TMEM132D: variants seen among roughly 807,000 people sequenced by gnomAD.
TMEM132D encodes mature OL transmembrane protein.
TMEM132D carries 21 observed loss-of-function variants against 62.3 expected under a neutral mutation model. The observed-to-expected ratio is 0.34, with a 90% CI of 0.24 to 0.49. The LOEUF is 0.49. Ranked by LOEUF, TMEM132D falls within the 20% of genes least tolerant of loss-of-function variation. TMEM132D has a pLI of 0.99. For missense variants in TMEM132D, 1,346 were observed against 1,402.8 expected (o/e 0.96, Z 0.65); for synonymous variants, 621 against 575.6 (o/e 1.08, Z -1.13).
chr12:129,893,122 G>A (rs1490649617), intron 1 of TMEM132D, among the ~76,000 whole-genome samples: 1 of 152,044 alleles, frequency 6.6e-6, no homozygotes, highest in Non-Finnish European at 1.5e-5. Flanking sequence ...TGATCCGCCT[G>A]CCTCGGCCTC....
intron 2 of TMEM132D, among the ~76,000 whole-genome samples, chr12:129,689,706 A>G (rs2137215735): frequency 6.6e-6 from 1 of 152,242 alleles, no homozygotes; most frequent in Non-Finnish European, 1.5e-5. Context: ...CCATACCAAT[A>G]CCCTTATAAT....
At chr12:129,528,343 A>C (rs1876113217) in intron 3 of TMEM132D, among the ~76,000 whole-genome samples, 1 of 152,026 alleles carries the variant, frequency 6.6e-6, no homozygotes, top group African/African-American at 2.4e-5. Flanking sequence ...CGAGGATAAA[A>C]GTTGAATATA....
At chr12:129,424,694 C>T (rs1309530304) in intron 3 of TMEM132D, among the ~76,000 whole-genome samples, 24 of 103,260 alleles carry the variant, frequency 2.3e-4, no homozygotes, top group Admixed American at 4.7e-4. Context: ...GGTGACAGAG[C>T]GAGACTCCAT....
chr12:129,365,250 A>G (rs1870367990), intron 3 of TMEM132D, among the ~76,000 whole-genome samples: 1 of 152,104 alleles, frequency 6.6e-6, no homozygotes, highest in Non-Finnish European at 1.5e-5. Context: ...ACCTGTGAAC[A>G]CTAAAAACTC....
At chr12:129,736,354 G>C (rs1442786540) in intron 1 of TMEM132D, among the ~76,000 whole-genome samples, 3 of 152,278 alleles carry the variant, frequency 2.0e-5, no homozygotes, top group Middle Eastern at 3.4e-3. Context: ...AGCTCGTGGA[G>C]AGAAATGTAT....
rs183107060 is a variant in TMEM132D at position 129,889,379 on chromosome 12, A to G, written c.79+13882T>C. Among the ~76,000 whole-genome samples, 275 of 152,314 alleles carry G rather than the reference A, an allele frequency of 1.8e-3. 2 individuals carry two copies. The highest frequency in any genetic ancestry group is 3.1e-3 in the Admixed American group (48 of 15,304). On this transcript the variant is annotated intron_variant, in intron 1 of 8. Coordinates refer to ENST00000422113, the MANE Select transcript of TMEM132D (RefSeq NM_133448.3). ...GAGCCCACATCTGGATGTTAAATGC[A>G]TCCTACATGGTCCTTGAACCCTCCT...
intron 2 of TMEM132D, among the ~76,000 whole-genome samples, chr12:129,658,188 A>G (rs1880143238): frequency 6.6e-6 from 1 of 152,210 alleles, no homozygotes; most frequent in South Asian, 2.1e-4. Flanking sequence ...CTTTCTAGGA[A>G]AAGAAAGCAG....
chr12:129,662,812 A>AAAAAAGAG lies in TMEM132D; in HGVS notation c.968+36997_968+36998insCTCTTTTT, dbSNP rs1555224287. On this transcript the variant is annotated intron_variant, in intron 2 of 8. Coordinates refer to ENST00000422113, the MANE Select transcript of TMEM132D (RefSeq NM_133448.3). ...ATCTCAAAAAAAAAAAAAAAAAAAA[A>AAAAAAGAG]AGAGAGAGAGAGAAAGAAATATGAG... 8.0e-4 allele frequency among the ~76,000 whole-genome samples: 67 copies of AAAAAAGAG among 83,420 alleles called. 3 individuals carry two copies. The highest frequency in any genetic ancestry group is 1.8e-3 in the African/African-American group (36 of 19,516). The allele number at this position is 83,420 out of a possible 152,430, so 54.7% of individuals were successfully genotyped here. A position where few individuals can be genotyped will look rare whatever the true frequency, so the allele number is the denominator to read the frequency against.
intron 1 of TMEM132D, among the ~76,000 whole-genome samples, chr12:129,758,544 A>G (rs573503745): frequency 2.1e-4 from 32 of 152,212 alleles, no homozygotes; most frequent in Non-Finnish European, 3.1e-4. Flanking sequence ...TATTCCCAAG[A>G]GTATTCCAAA....
At chr12:129,842,957 A>C (rs1324377657) in intron 1 of TMEM132D, among the ~76,000 whole-genome samples, 2 of 152,212 alleles carry the variant, frequency 1.3e-5, no homozygotes, top group African/African-American at 4.8e-5. Flanking sequence ...TTATGATAAA[A>C]TATTTTATTA....
At chr12:129,898,514 C>A (rs1455393952) in intron 1 of TMEM132D, among the ~76,000 whole-genome samples, 1 of 152,176 alleles carries the variant, frequency 6.6e-6, no homozygotes, top group Non-Finnish European at 1.5e-5. Flanking sequence ...TAAAAGGCGA[C>A]GTGACTAAGT....
At chr12:129,237,535 A>C (rs977215103) in intron 4 of TMEM132D, among the ~76,000 whole-genome samples, 13 of 152,092 alleles carry the variant, frequency 8.5e-5, no homozygotes, top group African/African-American at 3.1e-4. Flanking sequence ...TCCATATGTA[A>C]ATTTCCCAGA....
intron 2 of TMEM132D, among the ~76,000 whole-genome samples, chr12:129,582,033 C>T (rs7314239): frequency 0.032 from 4,869 of 152,196 alleles, 289 homozygotes; most frequent in African/African-American, 0.11. Context: ...CAGGTACAGA[C>T]GGGAGGGTCA....
chr12:129,255,484 A>G (rs978582793), intron 4 of TMEM132D, among the ~76,000 whole-genome samples: 2 of 152,198 alleles, frequency 1.3e-5, no homozygotes, highest in Non-Finnish European at 2.9e-5. Context: ...TCAGCTTTAT[A>G]TAGTTGCAAA....
At chr12:129,493,991 T>C (rs1224031587) in intron 3 of TMEM132D, among the ~76,000 whole-genome samples, 1 of 152,186 alleles carries the variant, frequency 6.6e-6, no homozygotes, top group Admixed American at 6.5e-5. Context: ...AAATGGGCAT[T>C]CTAAGCTTCT....
intron 4 of TMEM132D, among the ~76,000 whole-genome samples, chr12:129,330,943 T>C (rs1869082895): frequency 6.6e-6 from 1 of 152,154 alleles, no homozygotes; most frequent in African/African-American, 2.4e-5. Flanking sequence ...CTACTTAAGA[T>C]GGCTCCAAAC....
intron 3 of TMEM132D, among the ~76,000 whole-genome samples, chr12:129,471,164 C>G (rs1874082214): frequency 6.6e-6 from 1 of 151,180 alleles, no homozygotes; most frequent in African/African-American, 2.4e-5. Flanking sequence ...GGAAAAGCAC[C>G]TCTTATTTTG....
intron 2 of TMEM132D, among the ~76,000 whole-genome samples, chr12:129,614,691 G>A (rs559515900): frequency 3.9e-5 from 6 of 152,228 alleles, no homozygotes; most frequent in African/African-American, 1.2e-4. Flanking sequence ...ACCAGGCTGG[G>A]CGGGGACTGT....
intron 1 of TMEM132D, among the ~76,000 whole-genome samples, chr12:129,874,652 CACTT>C (rs985378204): frequency 1.6e-4 from 23 of 145,574 alleles, no homozygotes; most frequent in Non-Finnish European, 3.3e-4. Flanking sequence ...TGCAAACTGA[CACTT>C]ACTTTTATAC....
Sources: allele counts gnomAD v4.1 joint callset (sites outside exome capture counted in the v4.1 genomes callset), GRCh38; gene constraint gnomAD v4.1.1; transcripts MANE v1.5; gene names NCBI Gene and HGNC (gene_info 2026-07-23, HGNC 2026-07-21).